ANKRD34C: variants seen among roughly 807,000 people sequenced by gnomAD.
ANKRD34C encodes the protein ankyrin repeat domain-containing protein 34C.
For synonymous variants in ANKRD34C, 260 were observed against 253.6 expected (o/e 1.03, Z -0.24); for missense variants, 563 against 653.0 (o/e 0.86, Z 1.50).
rs1390157836 is a variant in ANKRD34C at position 79,293,381 on chromosome 15, G to T, written c.97G>T (p.Gly33Trp). The T allele has an allele frequency of 3.2e-6, 5 of 1,551,566 alleles. No individual in the cohort carries two copies. Among genetic ancestry groups the T allele is most frequent in the African/African-American group, 1.4e-5 (1 of 73,050 alleles). ...CAGGTTGACCAGGCTGCTCTTGGAA[G>T]GGGGAGCTTATATCAATGAAAGCAA... ...RLRLTRLLLE[G>W]GAYINESNDK... is the part of the protein sequence containing the mutation. Residue 33 changes from glycine (G) to tryptophan (W), a missense_variant, in exon 2 of 2, where the codon GGG becomes TGG. By Grantham distance (184) the Gly-to-Trp change is radical. Coordinates refer to ENST00000421388, the MANE Select transcript of ANKRD34C (RefSeq NM_001146341.2).
chr15:79,286,263 G>A (rs2058644698), intron 1 of ANKRD34C, among the ~76,000 whole-genome samples: 1 of 152,002 alleles, frequency 6.6e-6, no homozygotes, highest in Admixed American at 6.6e-5. Flanking sequence ...GAGACAGGGA[G>A]TACAGCAAGG....
intron 1 of ANKRD34C, among the ~76,000 whole-genome samples, chr15:79,288,272 G>GAGGAAAA (rs2058650364): frequency 6.6e-6 from 1 of 152,214 alleles, no homozygotes. Context: ...AATGAAAAGT[G>GAGGAAAA]ACGCAAGGGA....
At chr15:79,291,581 CACACACACACACACACACACAGAGAG>C (rs938681991) in intron 1 of ANKRD34C, among the ~76,000 whole-genome samples, 3 of 116,132 alleles carry the variant, frequency 2.6e-5, no homozygotes, top group Non-Finnish European at 3.6e-5. Context: ...CACACACACA[CACACACACACACACACACACAGAGAG>C]AGAGAGAGAG....
At chr15:79,290,178 T>G (rs1279095025) in intron 1 of ANKRD34C, among the ~76,000 whole-genome samples, 1 of 141,128 alleles carries the variant, frequency 7.1e-6, no homozygotes, top group Non-Finnish European at 1.5e-5. Flanking sequence ...GTGCAAGCCA[T>G]GACACCCAGC....
intron 1 of ANKRD34C, among the ~76,000 whole-genome samples, chr15:79,285,894 GA>G (rs918989383): frequency 2.2e-4 from 33 of 152,174 alleles, no homozygotes; most frequent in African/African-American, 7.7e-4. Flanking sequence ...TTCAGAGAGA[GA>G]AAAGTTTCAA....
In ANKRD34C at chr15:79,282,734, C is replaced by T. The variant is rs1196082403; in HGVS notation, c.-539C>T. On this transcript the variant is annotated 5_prime_UTR_variant, in exon 1 of 2. Coordinates refer to ENST00000421388, the MANE Select transcript of ANKRD34C (RefSeq NM_001146341.2). The stretch of plus-strand genomic sequence containing the variant: ...AGCTCGCACACCCACACAACCCTCG[C>T]CCGTCGCGGCTGGAGAGCTGCTCTC... 6.6e-6 allele frequency among the ~76,000 whole-genome samples: 1 copy of T among 152,212 alleles called. No homozygotes were observed. The highest frequency in any genetic ancestry group is 1.5e-5 in the Non-Finnish European group (1 of 68,036).
chr15:79,289,215 G>A lies in ANKRD34C; in HGVS notation c.-44-4026G>A, dbSNP rs902041651. Among the ~76,000 whole-genome samples, 6 of 152,298 alleles carry A rather than the reference G, an allele frequency of 3.9e-5. No individual in the cohort carries two copies. The East Asian group carries it at 5.8e-4, about 15-fold the overall frequency. On this transcript the variant is annotated intron_variant, in intron 1 of 1. Coordinates refer to ENST00000421388, the MANE Select transcript of ANKRD34C (RefSeq NM_001146341.2). ...CATTTTATCTGGGCTACAAGAGTGA[G>A]GTAAGCACCTGATTCTGTCCTCAGA...
At position 79,295,111 on chromosome 15, in the gene ANKRD34C, C is replaced by T; in HGVS notation, c.*219C>T. On this transcript the variant is annotated 3_prime_UTR_variant, in exon 2 of 2. Transcript: ENST00000421388. The stretch of plus-strand genomic sequence containing the variant: ...TGAAGATAAATTTTTAAAAATTCTG[C>T]AAAGGAAGAAAGCCTTTGGAATTTG... 1.9e-6 allele frequency: 1 copy of T among 538,732 alleles called. No homozygotes were observed. The highest frequency in any genetic ancestry group is 3.2e-5 in the East Asian group (1 of 30,852). The allele number at this position is 538,732 out of a possible 1,614,324, so 33.4% of individuals were successfully genotyped here.
intron 1 of ANKRD34C, among the ~76,000 whole-genome samples, chr15:79,291,052 T>C: frequency 6.6e-6 from 1 of 152,222 alleles, no homozygotes; most frequent in Admixed American, 6.5e-5. Context: ...AAGTGATTTG[T>C]AGGAGTTCTT....
chr15:79,291,697 A>C (rs2058660307), intron 1 of ANKRD34C, among the ~76,000 whole-genome samples: 1 of 151,612 alleles, frequency 6.6e-6, no homozygotes. Flanking sequence ...ACTTGTTGTC[A>C]ATGTATTTAA....
Position 79,294,017 on chromosome 15 carries a change from C to A in ANKRD34C, c.733C>A (p.Pro245Thr). ...CAGTAATCTCAAAAGGGCCCGTTTG[C>A]CTCAACTGAAGAGGCTCCAGTCTGA... Reference protein sequence around the residue: ...KVSNLKRARLPQLKRLQSEPW... With the variant: ...KVSNLKRARLTQLKRLQSEPW... The change falls in exon 2 of 2, where the codon CCT (proline) becomes ACT (threonine). Residue 245 changes from proline (P) to threonine (T), a missense_variant. Physicochemically the swap from Pro to Thr is conservative, Grantham distance 38. Transcript: ENST00000421388. The A allele has an allele frequency of 1.3e-6, 2 of 1,551,588 alleles. No individual in the cohort carries two copies. Among genetic ancestry groups the A allele is most frequent in the Non-Finnish European group, 1.7e-6 (2 of 1,146,962 alleles).
At position 79,294,644 on chromosome 15, in the gene ANKRD34C, C is replaced by T. The variant is rs1012642552; in HGVS notation, c.1360C>T (p.Arg454Cys). Reference sequence around the variant, plus strand: ...AGGTTCTGGAACTCTGCTCCTTGATCGCATTTCTCACACTAGGCCTGGCTT... The same window carrying T: ...AGGTTCTGGAACTCTGCTCCTTGATTGCATTTCTCACACTAGGCCTGGCTT... ...RRGSGTLLLD[R>C]ISHTRPGFLP... is the part of the protein sequence containing the mutation. The change falls in exon 2 of 2, where the codon CGC becomes TGC. Residue 454 changes from arginine (R) to cysteine (C), a missense_variant. Physicochemically the swap from Arg to Cys is radical, Grantham distance 180 (BLOSUM62 -3). Coordinates refer to ENST00000421388, the MANE Select transcript of ANKRD34C (RefSeq NM_001146341.2). 7.1e-6 allele frequency: 11 copies of T among 1,551,682 alleles called. 1 individual carries two copies. The highest frequency in any genetic ancestry group is 3.6e-5 in the South Asian group (3 of 84,060).
In ANKRD34C at chr15:79,282,867, G is replaced by C. The variant is rs890548522; in HGVS notation, c.-406G>C. ...GCACACCCGCAGCGCGGAACCGGGG[G>C]CGATTCCTATCTTTCTTTCATGCTT... On this transcript the variant is annotated 5_prime_UTR_variant, in exon 1 of 2. Coordinates refer to ENST00000421388, the MANE Select transcript of ANKRD34C (RefSeq NM_001146341.2). Among the ~76,000 whole-genome samples the C allele has an allele frequency of 6.6e-6, 1 of 152,252 alleles. No individual in the cohort carries two copies. The highest frequency in any genetic ancestry group is 1.5e-5 in the Non-Finnish European group (1 of 68,052).
In ANKRD34C at chr15:79,295,288, C is replaced by T. The variant is rs1475557455; in HGVS notation, c.*396C>T. 1.1e-5 allele frequency: 2 copies of T among 180,250 alleles called. No individual in the cohort carries two copies. Among genetic ancestry groups the T allele is most frequent in the Non-Finnish European group, 2.6e-5 (2 of 76,276 alleles). 11.2% of individuals were successfully genotyped at this position (180,250 alleles called of 1,614,324 possible). ...GCCTACATAGAAAACGAGGCTTTAA[C>T]ATTTGTTAGAATGTACAAAAGCCCC... On this transcript the variant is annotated 3_prime_UTR_variant, in exon 2 of 2. Coordinates refer to ENST00000421388, the MANE Select transcript of ANKRD34C (RefSeq NM_001146341.2).
rs923921506 is a variant in ANKRD34C, at chr15:79,283,135, G to T, written c.-138G>T. Among the ~76,000 whole-genome samples, 3 of 152,240 alleles carry T rather than the reference G, an allele frequency of 2.0e-5. No homozygotes were observed. Among genetic ancestry groups the T allele is most frequent in the Non-Finnish European group, 4.4e-5 (3 of 68,048 alleles). On this transcript the variant is annotated 5_prime_UTR_variant, in exon 1 of 2. Transcript: ENST00000421388. ...AGCCAACCCGCAGCTGCAGGTAGGGGTGCTGGACGCCCCCTGATTTTGTTT... is the reference window on the plus strand; with the variant it reads ...AGCCAACCCGCAGCTGCAGGTAGGGTTGCTGGACGCCCCCTGATTTTGTTT...
At position 79,297,012 on chromosome 15, in the gene ANKRD34C, A is replaced by G. The variant is rs376070650; in HGVS notation, c.*2120A>G. 36 of 167,242 alleles carry G rather than the reference A, an allele frequency of 2.2e-4. No individual in the cohort carries two copies. The highest frequency in any genetic ancestry group is 8.4e-4 in the African/African-American group (35 of 41,586). 10.4% of individuals were successfully genotyped at this position (167,242 alleles called of 1,614,324 possible). A position where few individuals can be genotyped will look rare whatever the true frequency, so the allele number is the denominator to read the frequency against. On this transcript the variant is annotated 3_prime_UTR_variant, in exon 2 of 2. Transcript: ENST00000421388. ...TCAGGATTCTTGGCAAACACACTCC[A>G]ACATGTGTGCTAATGGTCTCATACT...
intron 1 of ANKRD34C, among the ~76,000 whole-genome samples, chr15:79,288,737 A>T (rs1447367581): frequency 1.3e-5 from 2 of 151,758 alleles, no homozygotes; most frequent in East Asian, 3.9e-4. Context: ...ATGGTGCATG[A>T]ATTTAGTCTG....
intron 1 of ANKRD34C, among the ~76,000 whole-genome samples, chr15:79,292,315 T>C (rs2058661907): frequency 6.6e-6 from 1 of 152,208 alleles, no homozygotes; most frequent in Non-Finnish European, 1.5e-5. Context: ...AACACATACG[T>C]TGAAGATTTT....
chr15:79,285,032 C>T (rs1032142861), intron 1 of ANKRD34C, among the ~76,000 whole-genome samples: 1 of 152,198 alleles, frequency 6.6e-6, no homozygotes, highest in Admixed American at 6.5e-5. Flanking sequence ...TGATTATATT[C>T]TATTTTGTTC....
Sources: gnomAD v4.1 joint callset for allele counts (sites outside exome capture counted in the v4.1 genomes callset) on GRCh38, gnomAD v4.1.1 for gene constraint, MANE v1.5 for transcripts, NCBI Gene and HGNC (gene_info 2026-07-23, HGNC 2026-07-21) for gene names.